The following SH3TC2 variants were observed in gnomAD, a reference collection of about 807,000 sequenced individuals.
The protein encoded by SH3TC2 is SH3 domain and tetratricopeptide repeats 2.
SH3TC2 carries 87 observed loss-of-function variants against 124.5 expected under a neutral mutation model. That is an observed-to-expected ratio of 0.70 (90% confidence interval 0.59 to 0.84). The LOEUF (loss-of-function observed/expected upper bound fraction) is 0.84, where lower values mean the gene tolerates loss of function less well. Among genes scored for constraint, SH3TC2 ranks in the 40% least tolerant of loss-of-function variants. SH3TC2 has a pLI of 0.00. For synonymous variants in SH3TC2, 634 were observed against 628.5 expected (o/e 1.01, Z -0.13); for missense variants, 1,536 against 1,566.4 (o/e 0.98, Z 0.33).
At position 148,997,019 on chromosome 5, in the gene SH3TC2, A is replaced by C. The variant is rs1442662390; in HGVS notation, c.*7692T>G. On this transcript the variant is annotated 3_prime_UTR_variant, in exon 17 of 17. Transcript: ENST00000515425. ...AAAGTGCTACTACCAACATTTATGC[A>C]TAAGAAACAAAGCATCTGTACATGA... Among the ~76,000 whole-genome samples the C allele has an allele frequency of 6.6e-6, 1 of 152,266 alleles. No individual in the cohort carries two copies. Among genetic ancestry groups the C allele is most frequent in the Non-Finnish European group, 1.5e-5 (1 of 68,052 alleles).
rs1044862741 is a variant in SH3TC2 at position 149,000,068 on chromosome 5, C to T, written c.*4643G>A. On this transcript the variant is annotated 3_prime_UTR_variant, in exon 17 of 17. Transcript: ENST00000515425. ...ATATCACGTCCTCCAGAAAGCCCTT[C>T]CTGATGCCCGTAACCCTGTCTGGGT... 1.3e-5 allele frequency among the ~76,000 whole-genome samples: 2 copies of T among 152,216 alleles called. No individual in the cohort carries two copies. Among genetic ancestry groups the T allele is most frequent in the South Asian group, 2.1e-4 (1 of 4,834 alleles).
At chr5:149,061,258 C>T (rs1580923037) in intron 1 of SH3TC2, among the ~76,000 whole-genome samples, 4 of 152,106 alleles carry the variant, frequency 2.6e-5, no homozygotes, top group South Asian at 4.1e-4. Flanking sequence ...TTTTCAGCTG[C>T]GTAACTCTGT....
chr5:149,041,542 T>C lies in SH3TC2; in HGVS notation c.605A>G (p.Lys202Arg). 1 of 1,614,218 alleles carries C rather than the reference T, an allele frequency of 6.2e-7. No homozygotes were observed. Among genetic ancestry groups the C allele is most frequent in the East Asian group, 2.2e-5 (1 of 44,884 alleles). ...CATCTTCACTGAGATTAACTCATTC[T>C]TGCAAAGTGTCAAGCATTCCCCTTC... is the stretch of plus-strand genomic sequence containing the variant. The part of the protein sequence containing the change: ...EKEGECLTLC[K>R]NELISVKMAE... Residue 202 changes from lysine (K) to arginine (R), a missense_variant, in exon 6 of 17, where the codon AAG becomes AGG. By Grantham distance (26) the Lys-to-Arg change is conservative (BLOSUM62 2). This residue lies in a region of SH3TC2 where 1,102 missense variants were observed against 1,098.6 expected (regional missense o/e 1.00). Transcript: ENST00000515425.
At position 149,027,505 on chromosome 5, in the gene SH3TC2, C is replaced by T; in HGVS notation, c.2227G>A (p.Ala743Thr). 4.3e-6 allele frequency: 7 copies of T among 1,614,194 alleles called. 1 individual carries two copies. Among genetic ancestry groups the T allele is most frequent in the South Asian group, 2.2e-5 (2 of 91,086 alleles). Reference protein sequence around the residue: ...SALACPMLRQALAACEELADR... With the variant: ...SALACPMLRQTLAACEELADR... ...GCTAGTTCCTCACAGGCAGCCAGGG[C>T]CTGTCTGAGCATTGGGCAGGCCAAG... Residue 743 changes from alanine (A) to threonine (T), a missense_variant, in exon 11 of 17, where the codon GCC becomes ACC. Ala to Thr is a moderately conservative substitution (Grantham distance 58). This residue lies in a region of SH3TC2 where 1,102 missense variants were observed against 1,098.6 expected (regional missense o/e 1.00). Coordinates refer to ENST00000515425, the MANE Select transcript of SH3TC2 (RefSeq NM_024577.4).
chr5:149,055,366 G>A (rs1208813681), intron 1 of SH3TC2, among the ~76,000 whole-genome samples: 1 of 151,956 alleles, frequency 6.6e-6, no homozygotes, highest in Non-Finnish European at 1.5e-5. Context: ...ATGGGCAAAA[G>A]GCTTGAATAA....
chr5:149,061,970 G>C (rs900926423), intron 1 of SH3TC2, among the ~76,000 whole-genome samples: 30 of 152,224 alleles, frequency 2.0e-4, no homozygotes, highest in African/African-American at 6.7e-4. Flanking sequence ...AGAGGAAGCA[G>C]AATATGGTTG....
At chr5:149,017,449 GAC>G (rs1434818566) in intron 12 of SH3TC2, among the ~76,000 whole-genome samples, 1 of 152,152 alleles carries the variant, frequency 6.6e-6, no homozygotes, top group Non-Finnish European at 1.5e-5. Flanking sequence ...TAGACAAAGG[GAC>G]AGAAAAGTGT....
intron 2 of SH3TC2, among the ~76,000 whole-genome samples, chr5:149,050,554 A>T (rs2127402949): frequency 6.6e-6 from 1 of 152,324 alleles, no homozygotes; most frequent in South Asian, 2.1e-4. Flanking sequence ...ACTCTACTGC[A>T]TTCATGAAAC....
chr5:149,023,408 C>A (rs572672836), intron 12 of SH3TC2, among the ~76,000 whole-genome samples: 42 of 151,864 alleles, frequency 2.8e-4, no homozygotes, highest in African/African-American at 9.7e-4. Context: ...TATTTAATAT[C>A]TAATATTTAT....
In SH3TC2 at chr5:149,027,103, C is replaced by T; in HGVS notation, c.2629G>A (p.Val877Met). The change falls in exon 11 of 17, where the codon GTG (valine) becomes ATG (methionine). Residue 877 changes from valine to methionine, a missense_variant. Around this residue, in one of 3 missense-constraint regions of SH3TC2, gnomAD observed 1,102 missense variants for 1,098.6 expected, o/e 1.00. Transcript: ENST00000515425. ...QEVGDVHNQA[V>M]AMANLGHLSL... ...AGGTGGCCAAGATTGGCCATAGCCA[C>T]TGCCTGGTTATGCACATCTCCCACC... 1 of 1,614,208 alleles carries T rather than the reference C, an allele frequency of 6.2e-7. No homozygotes were observed. Among genetic ancestry groups the T allele is most frequent in the Non-Finnish European group, 8.5e-7 (1 of 1,180,030 alleles).
intron 12 of SH3TC2, among the ~76,000 whole-genome samples, chr5:149,013,321 A>G (rs937853044): frequency 6.6e-6 from 1 of 152,044 alleles, no homozygotes; most frequent in African/African-American, 2.4e-5. Flanking sequence ...TATCAAGGGT[A>G]GTTCCCCTGC....
chr5:149,010,169 C>T (rs1204126245), intron 14 of SH3TC2, 101 bp downstream of exon 14: 2 of 1,525,490 alleles, frequency 1.3e-6, no homozygotes, highest in Non-Finnish European at 1.8e-6. Context: ...AAATGAAATA[C>T]AAGCAAGAGA....
chr5:149,021,862 A>C (rs1753975745), intron 12 of SH3TC2, among the ~76,000 whole-genome samples: 1 of 146,654 alleles, frequency 6.8e-6, no homozygotes, highest in Non-Finnish European at 1.5e-5. Context: ...GAGAATTAAC[A>C]CCAATCCTTC....
intron 15 of SH3TC2, 132 bp downstream of exon 15, chr5:149,008,717 GTC>G (rs1753732580): frequency 8.0e-7 from 1 of 1,257,620 alleles, no homozygotes; most frequent in South Asian, 1.2e-5. Flanking sequence ...CTTAACTAAG[GTC>G]TCTCTGACAG....
chr5:149,008,742 T>C (rs1753732900), intron 15 of SH3TC2, 109 bp downstream of exon 15: 2 of 1,500,098 alleles, frequency 1.3e-6, no homozygotes, highest in East Asian at 4.5e-5. Flanking sequence ...GGACCTGGGA[T>C]TTGAACCCAC....
chr5:148,996,913 G>A lies in SH3TC2; in HGVS notation c.*7798C>T, dbSNP rs1753518644. Among the ~76,000 whole-genome samples, 1 of 152,178 alleles carries A rather than the reference G, an allele frequency of 6.6e-6. No homozygotes were observed. The highest frequency in any genetic ancestry group is 2.4e-5 in the African/African-American group (1 of 41,440). Reference sequence around the variant, plus strand: ...CTTTTCATAGATAACAGTAAAATGTGTGACCCTAAATAAAAATACAGTAAA... The same window carrying A: ...CTTTTCATAGATAACAGTAAAATGTATGACCCTAAATAAAAATACAGTAAA... On this transcript the variant is annotated 3_prime_UTR_variant, in exon 17 of 17. Coordinates refer to ENST00000515425, the MANE Select transcript of SH3TC2 (RefSeq NM_024577.4).
intron 9 of SH3TC2, 74 bp downstream of exon 9, chr5:149,031,480 T>G: frequency 6.2e-7 from 1 of 1,600,394 alleles, no homozygotes. Flanking sequence ...AGGGGTATTC[T>G]ATTCCTGGTT....
At chr5:149,005,678 G>A (rs1228375073) in intron 16 of SH3TC2, among the ~76,000 whole-genome samples, 2 of 152,242 alleles carry the variant, frequency 1.3e-5, no homozygotes, top group East Asian at 3.9e-4. Flanking sequence ...GCTTCTTTGG[G>A]TGAGACTCAA....
intron 12 of SH3TC2, among the ~76,000 whole-genome samples, chr5:149,022,895 T>A (rs1474385623): frequency 1.3e-5 from 2 of 152,072 alleles, no homozygotes; most frequent in African/African-American, 4.8e-5. Flanking sequence ...TGAGGTTGGG[T>A]AATGAGGAGT....
Sources: allele counts gnomAD v4.1 joint callset (sites outside exome capture counted in the v4.1 genomes callset), GRCh38; gene constraint gnomAD v4.1.1; regional missense constraint gnomAD v4.1.1; transcripts MANE v1.5; gene names NCBI Gene and HGNC (gene_info 2026-07-23, HGNC 2026-07-21).